The following TUT4 variants were observed in gnomAD, a reference collection of about 807,000 sequenced individuals.
The protein encoded by TUT4 is terminal uridylyltransferase 4.
A neutral mutation model predicts 192.2 loss-of-function variants in TUT4; 36 were observed. The observed-to-expected ratio is 0.19, with a 90% CI of 0.14 to 0.25. The LOEUF is 0.25. Ranked by LOEUF, TUT4 falls within the 10% of genes least tolerant of loss-of-function variation. The probability of loss-of-function intolerance (pLI) is 1.00; values close to 1 mark genes in which losing one functional copy is unlikely to be tolerated. For synonymous variants in TUT4, 618 were observed against 666.0 expected, an observed-to-expected ratio of 0.93 and a Z score of 1.11; for missense variants, 1,493 against 1,957.2, an observed-to-expected ratio of 0.76 and a Z score of 4.47.
chr1:52,508,044 C>T (rs1214506991), intron 4 of TUT4, among the ~76,000 whole-genome samples: 1 of 152,048 alleles, frequency 6.6e-6, no homozygotes, highest in African/African-American at 2.4e-5. Context: ...AACTCCTGGG[C>T]TCAAGCAACT....
intron 4 of TUT4, among the ~76,000 whole-genome samples, chr1:52,504,726 A>G (rs1675070548): frequency 6.6e-6 from 1 of 152,134 alleles, no homozygotes; most frequent in Admixed American, 6.6e-5. Flanking sequence ...ACTATCTATC[A>G]AGCAATAACT....
chr1:52,511,044 T>G (rs1422795363), intron 3 of TUT4, among the ~76,000 whole-genome samples: 1 of 152,226 alleles, frequency 6.6e-6, no homozygotes, highest in East Asian at 1.9e-4. Flanking sequence ...AAAAAGATTC[T>G]TTCACCTCAG....
At chr1:52,454,500 G>A (rs1275688411) in intron 20 of TUT4, among the ~76,000 whole-genome samples, 1 of 152,110 alleles carries the variant, frequency 6.6e-6, no homozygotes, top group East Asian at 1.9e-4. Context: ...TCAACAAATG[G>A]TATTGAAACA....
intron 1 of TUT4, chr1:52,538,476 A>G (rs1685570630): frequency 6.6e-6 from 1 of 151,940 alleles, no homozygotes; most frequent in African/African-American, 2.4e-5. Context: ...CAGCCTAGGC[A>G]ACACAGGAGA....
At chr1:52,475,601 A>G (rs1194361159) in intron 12 of TUT4, 66 bp from the exon 13 acceptor site, 9 of 1,386,050 alleles carry the variant, frequency 6.5e-6, no homozygotes, top group Non-Finnish European at 8.8e-6. Context: ...AAGCTCATAC[A>G]AGTAGATCTT....
intron 20 of TUT4, among the ~76,000 whole-genome samples, chr1:52,454,804 T>C (rs543374926): frequency 1.3e-5 from 2 of 152,300 alleles, no homozygotes; most frequent in East Asian, 3.9e-4. Flanking sequence ...GAGAACATAG[T>C]TGCAAAACAC....
At chr1:52,426,057 A>G (rs901239183) in intron 28 of TUT4, among the ~76,000 whole-genome samples, 1 of 152,168 alleles carries the variant, frequency 6.6e-6, no homozygotes, top group Non-Finnish European at 1.5e-5. Flanking sequence ...ACATCATGCA[A>G]AGGAACTTAA....
At chr1:52,519,054 A>G (rs1280817245) in intron 2 of TUT4, among the ~76,000 whole-genome samples, 1 of 152,182 alleles carries the variant, frequency 6.6e-6, no homozygotes, top group Non-Finnish European at 1.5e-5. Flanking sequence ...ACATACATCC[A>G]CACAAAAACT....
chr1:52,444,993 A>G (rs1657063827), intron 24 of TUT4, among the ~76,000 whole-genome samples: 1 of 149,836 alleles, frequency 6.7e-6, no homozygotes, highest in Non-Finnish European at 1.5e-5. Context: ...ATATATATGT[A>G]TATACATGTA....
In TUT4 at chr1:52,425,333, T is replaced by C. The variant is rs1649489929; in HGVS notation, c.4870+16A>G. ...AACCCACCCAAGCCTGTTAACTAAT[T>C]TGTAAGCAGTGGTACCTTGAGTATA... is the stretch of plus-strand genomic sequence containing the variant. On this transcript the variant is annotated intron_variant, in intron 29 of 29. Coordinates refer to ENST00000257177, the MANE Select transcript of TUT4 (RefSeq NM_001009881.3). 6.2e-7 allele frequency: 1 copy of C among 1,610,118 alleles called. No individual in the cohort carries two copies.
Position 52,463,880 on chromosome 1 carries a change from T to C in TUT4, c.3069+1190A>G, listed in dbSNP as rs41294512. 2,188 of 981,842 alleles carry C rather than the reference T, an allele frequency of 2.2e-3. 2 individuals carry two copies. Among genetic ancestry groups the C allele is most frequent in the Non-Finnish European group, 2.8e-3 (1,977 of 713,540 alleles). 60.8% of individuals were successfully genotyped at this position (981,842 alleles called of 1,614,324 possible). On this transcript the variant is annotated intron_variant, in intron 16 of 29. Coordinates refer to ENST00000257177, the MANE Select transcript of TUT4 (RefSeq NM_001009881.3). ...TCTCACGGTGGAACTCAGAAAGCTA[T>C]CAGTTTCAGAAAGCAGTGGTTAGGT...
intron 1 of TUT4, chr1:52,535,069 A>T (rs1203413267): frequency 6.6e-6 from 1 of 152,092 alleles, no homozygotes; most frequent in African/African-American, 2.4e-5. Flanking sequence ...CCTGCTGTAG[A>T]TATCTCCTCA....
intron 1 of TUT4, among the ~76,000 whole-genome samples, chr1:52,533,014 T>C (rs887294889): frequency 6.6e-5 from 10 of 152,242 alleles, no homozygotes; most frequent in Admixed American, 4.6e-4. Context: ...CAAACTTTTG[T>C]GTATAGGAAT....
intron 6 of TUT4, among the ~76,000 whole-genome samples, chr1:52,494,522 T>C (rs532025180): frequency 6.6e-6 from 1 of 152,126 alleles, no homozygotes; most frequent in African/African-American, 2.4e-5. Context: ...TGAAACCCCG[T>C]TTCTACTAAA....
intron 4 of TUT4, among the ~76,000 whole-genome samples, chr1:52,500,754 C>T (rs1472623030): frequency 6.6e-6 from 1 of 151,796 alleles, no homozygotes; most frequent in African/African-American, 2.4e-5. Context: ...AAGAATGAAA[C>T]TCTGTCTCAA....
chr1:52,503,512 T>C (rs1571041430), intron 4 of TUT4, among the ~76,000 whole-genome samples: 1 of 152,188 alleles, frequency 6.6e-6, no homozygotes, highest in East Asian at 1.9e-4. Context: ...TATGTCTTTT[T>C]TAGTTCTAAA....
intron 1 of TUT4, among the ~76,000 whole-genome samples, chr1:52,552,577 A>G (rs1689750836): frequency 6.6e-6 from 1 of 152,238 alleles, no homozygotes; most frequent in Non-Finnish European, 1.5e-5. Context: ...AGAAATGTTC[A>G]AACCAATCCC....
chr1:52,463,724 A>G, intron 16 of TUT4: 1 of 1,304,246 alleles, frequency 7.7e-7, no homozygotes. Flanking sequence ...TTCCCTGTCC[A>G]ATCAGTCTTT....
At chr1:52,439,188 C>A (rs1053745343) in intron 24 of TUT4, among the ~76,000 whole-genome samples, 1 of 151,900 alleles carries the variant, frequency 6.6e-6, no homozygotes, top group African/African-American at 2.4e-5. Flanking sequence ...CTATGAATAG[C>A]CACTGCACTC....
Sources: gnomAD v4.1 joint callset for allele counts (sites outside exome capture counted in the v4.1 genomes callset) on GRCh38, gnomAD v4.1.1 for gene constraint, MANE v1.5 for transcripts, NCBI Gene and HGNC (gene_info 2026-07-23, HGNC 2026-07-21) for gene names.